The following KCNMA1 variants were observed in gnomAD, a reference collection of about 807,000 sequenced individuals.
KCNMA1 encodes potassium calcium-activated channel subfamily M alpha 1.
KCNMA1 carries 29 observed loss-of-function variants against 140.0 expected under a neutral mutation model. The ratio of observed to expected loss-of-function variants is 0.21; its 90% CI spans 0.15 to 0.28. KCNMA1 has a LOEUF of 0.28. Ranked by LOEUF, KCNMA1 falls within the 10% of genes least tolerant of loss-of-function variation. The pLI, the probability that KCNMA1 is intolerant of heterozygous loss-of-function variation, is 1.00. For synonymous variants in KCNMA1, 612 were observed against 611.9 expected (o/e 1.00, Z 0.00); for missense variants, 880 against 1,602.2 (o/e 0.55, Z 7.70).
At chr10:77,031,165 T>C (rs183451310) in intron 15 of KCNMA1, among the ~76,000 whole-genome samples, 32 of 152,316 alleles carry the variant, frequency 2.1e-4, no homozygotes, top group Admixed American at 1.2e-3. Context: ...AGAGAGGAAA[T>C]GAAGTGGCAG....
intron 13 of KCNMA1, 112 bp downstream of exon 13, chr10:77,079,369 A>AGAGTGTGTGT (rs139730603): frequency 4.7e-5 from 31 of 662,438 alleles, no homozygotes; most frequent in African/African-American, 1.8e-4. Flanking sequence ...GGCATGTGAG[A>AGAGTGTGTGT]GTGTGTGTGT....
chr10:77,084,679 T>C lies in KCNMA1; in HGVS notation c.1481A>G (p.Tyr494Cys). ...ATCCTCCGCATCCGGGTCAGCGCAG[T>C]ACTTGTTGGCAAGGATCAGGCATGC... ...ADACLILANK[Y>C]CADPDAEDAS... The change falls in exon 12 of 28, where the codon TAC becomes TGC. Residue 494 changes from tyrosine (Y) to cysteine (C), a missense_variant. Physicochemically the swap from Tyr to Cys is radical, Grantham distance 194. Transcript: ENST00000286628. The C allele has an allele frequency of 6.2e-7, 1 of 1,614,174 alleles. No homozygotes were observed. The highest frequency in any genetic ancestry group is 8.5e-7 in the Non-Finnish European group (1 of 1,180,020).
chr10:77,410,924 G>A (rs1389256510), intron 1 of KCNMA1, among the ~76,000 whole-genome samples: 2 of 152,244 alleles, frequency 1.3e-5, no homozygotes, highest in Non-Finnish European at 2.9e-5. Context: ...GAGTGTGTCT[G>A]CCACCTGCTT....
At chr10:77,503,362 C>G (rs994940297) in intron 1 of KCNMA1, among the ~76,000 whole-genome samples, 1 of 152,054 alleles carries the variant, frequency 6.6e-6, no homozygotes, top group African/African-American at 2.4e-5. Context: ...AGACAGCATG[C>G]TCACCTCTTT....
intron 1 of KCNMA1, among the ~76,000 whole-genome samples, chr10:77,533,111 G>C (rs911950735): frequency 6.6e-6 from 1 of 152,164 alleles, no homozygotes; most frequent in African/African-American, 2.4e-5. Flanking sequence ...ATGTATTTCT[G>C]ACATATGAAC....
intron 1 of KCNMA1, among the ~76,000 whole-genome samples, chr10:77,479,858 C>T (rs1251445291): frequency 1.3e-5 from 2 of 152,210 alleles, no homozygotes; most frequent in African/African-American, 4.8e-5. Context: ...TCACGTGCGT[C>T]TGTCTCTCTT....
At chr10:76,933,456 T>C (rs1445786766) in intron 23 of KCNMA1, among the ~76,000 whole-genome samples, 2 of 152,178 alleles carry the variant, frequency 1.3e-5, no homozygotes, top group Non-Finnish European at 2.9e-5. Flanking sequence ...TCCTTTGACA[T>C]AGTGAGCCCT....
intron 21 of KCNMA1, 112 bp downstream of exon 21, chr10:76,953,689 A>C (rs2152987343): frequency 7.7e-7 from 1 of 1,305,876 alleles, no homozygotes; most frequent in East Asian, 2.3e-5. Context: ...CATCAAAAAT[A>C]ATTAGGACCA....
At chr10:77,261,208 A>C (rs374839577) in intron 2 of KCNMA1, among the ~76,000 whole-genome samples, 3 of 152,180 alleles carry the variant, frequency 2.0e-5, no homozygotes, top group African/African-American at 7.2e-5. Context: ...CCCTCTTACT[A>C]TAAGTTTACT....
intron 1 of KCNMA1, among the ~76,000 whole-genome samples, chr10:77,529,619 A>G (rs1183518940): frequency 6.6e-6 from 1 of 152,308 alleles, no homozygotes; most frequent in African/African-American, 2.4e-5. Context: ...AAAACTACAG[A>G]CTATTATCTA....
rs2041663313 is a variant in KCNMA1, at chr10:77,199,105, C to T, written c.603-14189G>A. Among the ~76,000 whole-genome samples the T allele has an allele frequency of 2.0e-5, 3 of 152,138 alleles. No individual in the cohort carries two copies. In the South Asian group the frequency reaches 6.2e-4, roughly 32 times the overall value. The stretch of plus-strand genomic sequence containing the variant: ...TCCTCCCGACACTACCTTCCTCATT[C>T]CTTGAGATGCAGCTGTTTCCACTTG... On this transcript the variant is annotated intron_variant, in intron 3 of 27. Coordinates refer to ENST00000286628, the MANE Select transcript of KCNMA1 (RefSeq NM_001161352.2).
At chr10:76,873,662 A>C (rs75394764), downstream of KCNMA1, 246 of 152,308 alleles carry the variant, frequency 1.6e-3, 1 homozygote, top group African/African-American at 5.7e-3. Flanking sequence ...TTCAAGCTGA[A>C]TGGATCTACT....
intron 10 of KCNMA1, among the ~76,000 whole-genome samples, chr10:77,087,321 A>G (rs887864516): frequency 1.3e-5 from 2 of 152,176 alleles, no homozygotes; most frequent in Non-Finnish European, 2.9e-5. Flanking sequence ...AAATCTCTCT[A>G]GAGATAGATA....
intron 1 of KCNMA1, among the ~76,000 whole-genome samples, chr10:77,480,514 C>T (rs565964378): frequency 6.6e-6 from 1 of 152,184 alleles, no homozygotes; most frequent in Admixed American, 6.5e-5. Context: ...TTAAAGCATC[C>T]CAGAAAAAAA....
At chr10:77,238,506 T>C (rs2154219913) in intron 3 of KCNMA1, among the ~76,000 whole-genome samples, 1 of 152,304 alleles carries the variant, frequency 6.6e-6, no homozygotes, top group African/African-American at 2.4e-5. Flanking sequence ...TTGTCTGTTA[T>C]TGGAGGAAGA....
chr10:77,572,603 T>TATATATATATATAA (rs1491270036), intron 1 of KCNMA1, among the ~76,000 whole-genome samples: 14 of 98,672 alleles, frequency 1.4e-4, no homozygotes, highest in Non-Finnish European at 2.5e-4. Flanking sequence ...TATATATATA[T>TATATATATATATAA]AAATTAGCTG....
At position 77,106,199 on chromosome 10, in the gene KCNMA1, C is replaced by G. The variant is rs76092199; in HGVS notation, c.1223+2282G>C. The stretch of plus-strand genomic sequence containing the variant: ...AGGACGGACTCTGTGTCTGCAGGGT[C>G]AGGAACAGTGGGGACCCAAAAAGAA... On this transcript the variant is annotated intron_variant, in intron 9 of 27. Transcript: ENST00000286628. Among the ~76,000 whole-genome samples, 1,297 of 151,892 alleles carry G rather than the reference C, an allele frequency of 8.5e-3. 16 individuals carry two copies. Among genetic ancestry groups the G allele is most frequent in the African/African-American group, 0.029 (1,212 of 41,392 alleles).
At chr10:77,216,889 G>A (rs1214002897) in intron 3 of KCNMA1, among the ~76,000 whole-genome samples, 3 of 152,158 alleles carry the variant, frequency 2.0e-5, no homozygotes, top group Non-Finnish European at 4.4e-5. Context: ...GTGGGCTACA[G>A]AAAGGTCCCA....
chr10:77,371,625 C>G (rs1357281479), intron 2 of KCNMA1, among the ~76,000 whole-genome samples: 2 of 152,180 alleles, frequency 1.3e-5, no homozygotes, highest in African/African-American at 4.8e-5. Context: ...AAGACTCTTG[C>G]TCCACTGGTC....
Sources: gnomAD v4.1 joint callset for allele counts (sites outside exome capture counted in the v4.1 genomes callset) on GRCh38, gnomAD v4.1.1 for gene constraint, MANE v1.5 for transcripts, NCBI Gene and HGNC (gene_info 2026-07-23, HGNC 2026-07-21) for gene names.